Variants in ARHGAP44 observed in about 807,000 individuals in gnomAD.
ARHGAP44 encodes the protein rho GTPase-activating protein 44.
In ARHGAP44, 43 loss-of-function variants were observed where a neutral mutation model predicts 106.8. The observed-to-expected ratio is 0.40, with a 90% CI of 0.32 to 0.52. The LOEUF (loss-of-function observed/expected upper bound fraction) is 0.52. ARHGAP44 is among the 20% of genes least tolerant of loss of function. The pLI is 0.48. For synonymous variants in ARHGAP44, 439 were observed against 410.3 expected, an observed-to-expected ratio of 1.07 and a Z score of -0.85; for missense variants, 866 against 1,050.5, an observed-to-expected ratio of 0.82 and a Z score of 2.43.
intron 1 of ARHGAP44, among the ~76,000 whole-genome samples, chr17:12,887,866 G>T (rs868425717): frequency 0.036 from 4,565 of 126,056 alleles, 118 homozygotes; most frequent in African/African-American, 0.084. Context: ...AATCATTTTT[G>T]TTTTTTTTTT....
At chr17:12,890,776 A>T (rs1235881493) in intron 1 of ARHGAP44, among the ~76,000 whole-genome samples, 1 of 152,118 alleles carries the variant, frequency 6.6e-6, no homozygotes, top group Non-Finnish European at 1.5e-5. Context: ...TTTAATCATA[A>T]ATTCCACCTT....
In ARHGAP44 at chr17:12,917,893, C is replaced by A. The variant is rs533701238; in HGVS notation, c.388-1862C>A. Among the ~76,000 whole-genome samples, 31 of 152,230 alleles carry A rather than the reference C, an allele frequency of 2.0e-4. 1 individual carries two copies. In the South Asian group the frequency reaches 6.2e-3, roughly 31 times the overall value. Reference sequence around the variant, plus strand: ...TGTATTAAACTGCCTTGCCCTAGACCCTGTCTGGCTTCCTCTCTGAACCAC... The same window carrying A: ...TGTATTAAACTGCCTTGCCCTAGACACTGTCTGGCTTCCTCTCTGAACCAC... On this transcript the variant is annotated intron_variant, in intron 5 of 20. Coordinates refer to ENST00000379672, the MANE Select transcript of ARHGAP44 (RefSeq NM_014859.6).
rs373095382 is a variant in ARHGAP44 at position 12,990,195 on chromosome 17, G to A, written c.*24G>A. 2.1e-5 allele frequency: 33 copies of A among 1,599,852 alleles called. No individual in the cohort carries two copies. The highest frequency in any genetic ancestry group is 1.9e-4 in the African/African-American group (14 of 74,680). ...GACATGACACCGCCCATCCTGCCTC[G>A]CGTGTACATACATCACGGGCCCTAG... On this transcript the variant is annotated 3_prime_UTR_variant, in exon 21 of 21. Transcript: ENST00000379672.
chr17:12,832,247 G>A (rs1250620539), intron 1 of ARHGAP44, among the ~76,000 whole-genome samples: 2 of 152,124 alleles, frequency 1.3e-5, no homozygotes, highest in African/African-American at 4.8e-5. Context: ...CAGGAGTGTT[G>A]ATTGGTCAGG....
At chr17:12,844,138 G>A (rs1427809699) in intron 1 of ARHGAP44, among the ~76,000 whole-genome samples, 2 of 146,352 alleles carry the variant, frequency 1.4e-5, no homozygotes, top group Non-Finnish European at 3.0e-5. Context: ...CGTGTAGATT[G>A]GGGGCCGCTA....
intron 1 of ARHGAP44, among the ~76,000 whole-genome samples, chr17:12,840,185 A>G (rs1490427782): frequency 6.6e-6 from 1 of 152,030 alleles, no homozygotes; most frequent in African/African-American, 2.4e-5. Flanking sequence ...TTAATTCTAG[A>G]TCCCCATTAT....
intron 1 of ARHGAP44, among the ~76,000 whole-genome samples, chr17:12,836,382 T>G (rs988814929): frequency 3.3e-5 from 5 of 151,954 alleles, no homozygotes; most frequent in Admixed American, 2.6e-4. Flanking sequence ...ATGCGGTGGC[T>G]CATACCTGTA....
intron 15 of ARHGAP44, among the ~76,000 whole-genome samples, chr17:12,957,449 G>T (rs142772847): frequency 5.9e-5 from 9 of 152,316 alleles, no homozygotes; most frequent in Non-Finnish European, 1.2e-4. Flanking sequence ...GGGGAGACAG[G>T]TTCCTGAGAT....
chr17:12,910,339 A>G (rs2037688863), intron 4 of ARHGAP44, among the ~76,000 whole-genome samples: 1 of 150,810 alleles, frequency 6.6e-6, no homozygotes, highest in Non-Finnish European at 1.5e-5. Context: ...GACAAAAGGT[A>G]GATTAACAGG....
chr17:12,959,057 A>G, intron 16 of ARHGAP44, 160 bp downstream of exon 16: 1 of 898,502 alleles, frequency 1.1e-6, no homozygotes, highest in Non-Finnish European at 1.7e-6. Context: ...GTCTGGGATG[A>G]GTTTCTTTGG....
chr17:12,931,283 G>C (rs1029968245), intron 7 of ARHGAP44, among the ~76,000 whole-genome samples: 1 of 151,846 alleles, frequency 6.6e-6, no homozygotes, highest in Admixed American at 6.6e-5. Context: ...TGTTGGCCAG[G>C]CTGGTCACAA....
chr17:12,974,433 T>C, intron 18 of ARHGAP44, 123 bp downstream of exon 18: 1 of 878,708 alleles, frequency 1.1e-6, no homozygotes, highest in Non-Finnish European at 1.6e-6. Flanking sequence ...TTTCTAAGCA[T>C]TCATATTTGG....
At chr17:12,977,266 C>T (rs1191461801) in intron 18 of ARHGAP44, among the ~76,000 whole-genome samples, 1 of 152,146 alleles carries the variant, frequency 6.6e-6, no homozygotes, top group African/African-American at 2.4e-5. Context: ...ATGGGTTTCT[C>T]CCAGTACAAA....
Position 12,974,230 on chromosome 17 carries a change from G to C in ARHGAP44, c.1683G>C (p.Pro561=), listed in dbSNP as rs746897027. The C allele has an allele frequency of 2.3e-5, 35 of 1,545,726 alleles. No individual in the cohort carries two copies. Among genetic ancestry groups the C allele is most frequent in the Non-Finnish European group, 3.0e-5 (34 of 1,145,366 alleles). Residue 561 remains proline (P), a synonymous_variant, in exon 18 of 21, where the codon CCG becomes CCC. Transcript: ENST00000379672. ...ELAAPLPSPL[P]EQPLDSPAAP... Reference sequence around the variant, plus strand: ...CTGCGCCCCTGCCTTCGCCGCTGCCGGAGCAGCCCCTGGACAGCCCCGCGG... The same window carrying C: ...CTGCGCCCCTGCCTTCGCCGCTGCCCGAGCAGCCCCTGGACAGCCCCGCGG...
At chr17:12,849,048 C>CA (rs58661356) in intron 1 of ARHGAP44, among the ~76,000 whole-genome samples, 439 of 110,042 alleles carry the variant, frequency 4.0e-3, no homozygotes, top group Middle Eastern at 0.011. Context: ...AACTCCATCT[C>CA]AAAAAAAAAA....
At chr17:12,802,375 G>C (rs1351604246) in intron 1 of ARHGAP44, among the ~76,000 whole-genome samples, 1 of 152,182 alleles carries the variant, frequency 6.6e-6, no homozygotes, top group Non-Finnish European at 1.5e-5. Flanking sequence ...CCCTGCTGCA[G>C]GGCAAAGGAC....
At chr17:12,973,422 G>T (rs970899203) in intron 17 of ARHGAP44, 103 bp downstream of exon 17, 4 of 1,260,750 alleles carry the variant, frequency 3.2e-6, no homozygotes, top group Admixed American at 2.2e-5. Context: ...GCCGCGTCTG[G>T]TTGCTTGGCC....
chr17:12,811,382 G>A (rs1390165415), intron 1 of ARHGAP44, among the ~76,000 whole-genome samples: 9 of 151,942 alleles, frequency 5.9e-5, no homozygotes, highest in South Asian at 2.1e-4. Context: ...GTGGATCATC[G>A]TTAAGGTCTT....
At chr17:12,909,218 C>T (rs1159671738) in intron 4 of ARHGAP44, among the ~76,000 whole-genome samples, 1 of 152,072 alleles carries the variant, frequency 6.6e-6, no homozygotes, top group Non-Finnish European at 1.5e-5. Flanking sequence ...ATCCCTAGGG[C>T]CCTAGCAGAA....
Sources: allele counts gnomAD v4.1 joint callset (sites outside exome capture counted in the v4.1 genomes callset), GRCh38; gene constraint gnomAD v4.1.1; transcripts MANE v1.5; gene names NCBI Gene and HGNC (gene_info 2026-07-23, HGNC 2026-07-21).